DENND1C: variants seen among roughly 807,000 people sequenced by gnomAD.
The protein encoded by DENND1C is DENN domain-containing protein 1C.
A neutral mutation model predicts 87.9 loss-of-function variants in DENND1C; 64 were observed. The observed-to-expected ratio is 0.73, with a 90% CI of 0.60 to 0.90. DENND1C has a LOEUF of 0.90. Ranked by LOEUF, DENND1C falls within the 40% of genes least tolerant of loss-of-function variation. DENND1C has a pLI of 0.00. For missense variants in DENND1C, 980 were observed against 1,037.0 expected (o/e 0.95, Z 0.76); for synonymous variants, 384 against 424.4 (o/e 0.90, Z 1.17).
At chr19:6,468,745 G>A (rs2092810972) in intron 20 of DENND1C, 100 bp from the exon 21 acceptor site, 7 of 1,368,382 alleles carry the variant, frequency 5.1e-6, no homozygotes, top group Middle Eastern at 3.9e-4. Context: ...CACATATTTG[G>A]GGAGTTGAAG....
In DENND1C at chr19:6,477,077, C is replaced by CTCAGGGATGGATGGCAGGCGGCCGG; in HGVS notation, c.539_563dup (p.Glu188AspfsTer9). On this transcript the variant is annotated stop_gained and frameshift_variant, in exon 9 of 23. Coordinates refer to ENST00000381480, the MANE Select transcript of DENND1C (RefSeq NM_024898.4). LOFTEE classifies it high-confidence loss of function. ...CCAGAGACCCCTCCCCACTCACGTT[C>CTCAGGGATGGATGGCAGGCGGCCGG]TCAGGGATGGATGGCAGGCGGCCGG... is the stretch of plus-strand genomic sequence containing the variant. The CTCAGGGATGGATGGCAGGCGGCCGG allele has an allele frequency of 1.2e-6, 2 of 1,607,300 alleles. No individual in the cohort carries two copies. Among genetic ancestry groups the CTCAGGGATGGATGGCAGGCGGCCGG allele is most frequent in the Non-Finnish European group, 1.7e-6 (2 of 1,177,024 alleles).
At position 6,481,661 on chromosome 19, in the gene DENND1C, G is replaced by C. The variant is rs769791371; in HGVS notation, c.17+18C>G. The C allele has an allele frequency of 6.2e-7, 1 of 1,611,630 alleles. No individual in the cohort carries two copies. The highest frequency in any genetic ancestry group is 8.5e-7 in the Non-Finnish European group (1 of 1,178,798). ...CGGGAATCTTGTACCAGAGAATGAG[G>C]GATGGGGTGGCTCTTACTCAGCTCT... On this transcript the variant is annotated intron_variant, in intron 1 of 22. Coordinates refer to ENST00000381480, the MANE Select transcript of DENND1C (RefSeq NM_024898.4).
rs754388464 is a variant in DENND1C, at chr19:6,468,398, C to G, written c.1627G>C (p.Glu543Gln). The change falls in exon 22 of 23, where the codon GAA (glutamate) becomes CAA (glutamine). Residue 543 changes from glutamate to glutamine, a missense_variant. Physicochemically the swap from Glu to Gln is conservative, Grantham distance 29. Coordinates refer to ENST00000381480, the MANE Select transcript of DENND1C (RefSeq NM_024898.4). ...SPEDEGCPWAEEALDSSFLGS... is the reference protein window; with the variant it reads ...SPEDEGCPWAQEALDSSFLGS... ...AAGAAGCTGCTGTCCAGAGCTTCTT[C>G]TGCCCACGGGCACCCCTCATCCTCA... 13 of 1,613,874 alleles carry G rather than the reference C, an allele frequency of 8.1e-6. No individual in the cohort carries two copies. In the South Asian group the frequency reaches 1.3e-4, roughly 16 times the overall value.
intron 4 of DENND1C, 40 bp downstream of exon 4, chr19:6,479,629 C>G (rs767532053): frequency 6.2e-7 from 1 of 1,613,596 alleles, no homozygotes; most frequent in Non-Finnish European, 8.5e-7. Flanking sequence ...CCTGAGAGAT[C>G]TGAGTCCCTG....
chr19:6,475,003 T>A (rs1206527062), intron 14 of DENND1C, among the ~76,000 whole-genome samples: 1 of 151,696 alleles, frequency 6.6e-6, no homozygotes, highest in Non-Finnish European at 1.5e-5. Flanking sequence ...CGGGAGGCAC[T>A]CCAGCCTGGG....
Position 6,477,217 on chromosome 19 carries a change from C to T in DENND1C, c.513+1G>A. 6.3e-7 allele frequency: 1 copy of T among 1,587,360 alleles called. No individual in the cohort carries two copies. The highest frequency in any genetic ancestry group is 1.1e-5 in the South Asian group (1 of 88,404). On this transcript the variant is annotated splice_donor_variant, in intron 8 of 22. Transcript: ENST00000381480. LOFTEE classifies it high-confidence loss of function. ...TTCCAGGGTCCCCGAGCCCCGCTCA[C>T]CGGCTTGCTATTCCCCCGGGTAGGG...
chr19:6,469,046 T>A, intron 19 of DENND1C, 93 bp from the exon 20 acceptor site: 1 of 730,324 alleles, frequency 1.4e-6, no homozygotes, highest in Non-Finnish European at 1.9e-6. Context: ...TTTTTTTTTG[T>A]TTGAAATGAA....
At chr19:6,476,040 C>T (rs1180005699) in intron 10 of DENND1C, 103 bp from the exon 11 acceptor site, 1 of 1,067,596 alleles carries the variant, frequency 9.4e-7, no homozygotes, top group Non-Finnish European at 1.3e-6. Flanking sequence ...TCCCCCTCCC[C>T]ATCCACTGCT....
At chr19:6,479,952 C>G (rs2092888704) in intron 2 of DENND1C, 35 bp downstream of exon 2, 1 of 1,597,718 alleles carries the variant, frequency 6.3e-7, no homozygotes, top group African/African-American at 1.3e-5. Flanking sequence ...CCCACCCTCC[C>G]CTCCCACTCC....
At chr19:6,475,107 G>A (rs2092850746) in intron 14 of DENND1C, among the ~76,000 whole-genome samples, 167 bp downstream of exon 14, 1 of 152,192 alleles carries the variant, frequency 6.6e-6, no homozygotes, top group African/African-American at 2.4e-5. Context: ...GTGTTGCCCA[G>A]GCTGGTCTTG....
rs754541846 is a variant in DENND1C at position 6,477,205 on chromosome 19, G to A, written c.513+13C>T. ...GGACCCCCGACCTTCCAGGGTCCCC[G>A]AGCCCCGCTCACCGGCTTGCTATTC... On this transcript the variant is annotated intron_variant, in intron 8 of 22. Transcript: ENST00000381480. The A allele has an allele frequency of 2.0e-5, 31 of 1,588,906 alleles. No homozygotes were observed. Among genetic ancestry groups the A allele is most frequent in the East Asian group, 2.2e-5 (1 of 44,546 alleles).
In DENND1C at chr19:6,467,647, G is replaced by A; in HGVS notation, c.2263C>T (p.Leu755=). 1.3e-6 allele frequency: 2 copies of A among 1,540,064 alleles called. No individual in the cohort carries two copies. Among genetic ancestry groups the A allele is most frequent in the Non-Finnish European group, 1.7e-6 (2 of 1,146,662 alleles). Residue 755 remains leucine, a synonymous_variant, in exon 23 of 23, where the codon CTG becomes TTG. Transcript: ENST00000381480. ...TGGAGGTGAGCGCGCTCTGCCAGCAGGGCTTTGGGAGGCCGGGCTCTGGGG... is the reference window on the plus strand; with the variant it reads ...TGGAGGTGAGCGCGCTCTGCCAGCAAGGCTTTGGGAGGCCGGGCTCTGGGG... The part of the protein sequence containing the change: ...EDPRARPPKA[L]LAERAHLQPR...
Position 6,476,910 on chromosome 19 carries a change from C to T in DENND1C, c.625G>A (p.Ala209Thr). Residue 209 changes from alanine to threonine, a missense_variant, in exon 10 of 23, where the codon GCG (alanine) becomes ACG (threonine). By Grantham distance (58) the Ala-to-Thr change is moderately conservative. Transcript: ENST00000381480. ...ACTCTTCTCTCGGCCAGGAGCGCCGCGAACAGCCCCACGATGTTCTCGTCA... is the reference window on the plus strand; with the variant it reads ...ACTCTTCTCTCGGCCAGGAGCGCCGTGAACAGCCCCACGATGTTCTCGTCA... ...VTDENIVGLFAALLAERRVLL... is the reference protein window; with the variant it reads ...VTDENIVGLFTALLAERRVLL... The T allele has an allele frequency of 6.2e-7, 1 of 1,613,462 alleles. No individual in the cohort carries two copies. The highest frequency in any genetic ancestry group is 8.5e-7 in the Non-Finnish European group (1 of 1,179,794).
chr19:6,467,786 A>T lies in DENND1C; in HGVS notation c.2124T>A (p.Thr708=). The T allele has an allele frequency of 6.6e-7, 1 of 1,526,098 alleles. No individual in the cohort carries two copies. Among genetic ancestry groups the T allele is most frequent in the Non-Finnish European group, 8.8e-7 (1 of 1,139,926 alleles). The allele number at this position is 1,526,098 out of a possible 1,614,324, so 94.5% of individuals were successfully genotyped here. ...GGGGGCTTTCTGGAGGGCTGGGCTC[A>T]GTGGGTGCAGTGGAGAGCCAGGGAG... ...NPTPWLSTAP[T]EPSPPESPQI... Residue 708 remains threonine, a synonymous_variant, in exon 23 of 23, where the codon ACT becomes ACA. Transcript: ENST00000381480.
chr19:6,468,826 G>T lies in DENND1C; in HGVS notation c.1515+20C>A, dbSNP rs746745810. On this transcript the variant is annotated intron_variant, in intron 20 of 22. Transcript: ENST00000381480. The stretch of plus-strand genomic sequence containing the variant: ...CAGTGATAATTCCAGGTGTGTGCAT[G>T]GGGGGAGGGGCGCTCTCACCTTTCC... 2 of 1,498,952 alleles carry T rather than the reference G, an allele frequency of 1.3e-6. No individual in the cohort carries two copies. Among genetic ancestry groups the T allele is most frequent in the Admixed American group, 2.4e-5 (1 of 42,090 alleles). The allele number at this position is 1,498,952 out of a possible 1,614,324, so 92.9% of individuals were successfully genotyped here.
intron 4 of DENND1C, 90 bp from the exon 5 acceptor site, chr19:6,479,146 T>C: frequency 6.5e-7 from 1 of 1,533,524 alleles, no homozygotes. Flanking sequence ...GGACCCTGAG[T>C]GTATGGGTCT....
chr19:6,470,809 A>G (rs531024202), intron 17 of DENND1C, among the ~76,000 whole-genome samples: 3 of 150,992 alleles, frequency 2.0e-5, no homozygotes, highest in Middle Eastern at 3.4e-3. Context: ...TTTAGTAGAG[A>G]GAGAGTTTCA....
In DENND1C at chr19:6,477,457, AC is replaced by A. The variant is rs774811585; in HGVS notation, c.367del (p.Val123SerfsTer31). 3.6e-5 allele frequency: 57 copies of A among 1,586,028 alleles called. No individual in the cohort carries two copies. The highest frequency in any genetic ancestry group is 4.8e-5 in the Non-Finnish European group (56 of 1,161,958). ...TVGDLLAQDQ[V>X]TEAEELLQNL... ...TTGAAGAAGTTCCTCTGCCTCGGTGACCTGGGTGGGACGTGGAGGGGCGGGG... is the reference window on the plus strand; with the variant it reads ...TTGAAGAAGTTCCTCTGCCTCGGTGACTGGGTGGGACGTGGAGGGGCGGGG... On this transcript the variant is annotated frameshift_variant and splice_region_variant, in exon 7 of 23. Coordinates refer to ENST00000381480, the MANE Select transcript of DENND1C (RefSeq NM_024898.4). LOFTEE classifies it high-confidence loss of function.
chr19:6,475,676 T>C lies in DENND1C; in HGVS notation c.825+30A>G, dbSNP rs745829595. 22 of 1,607,320 alleles carry C rather than the reference T, an allele frequency of 1.4e-5. No individual in the cohort carries two copies. In the East Asian group the frequency reaches 4.7e-4, roughly 34 times the overall value. On this transcript the variant is annotated intron_variant, in intron 12 of 22. Transcript: ENST00000381480. ...TGTAGAGGAAGGGGGAACCCTCACGTCCCCGTCGTCTGGGTAGATCCACGC... is the reference window on the plus strand; with the variant it reads ...TGTAGAGGAAGGGGGAACCCTCACGCCCCCGTCGTCTGGGTAGATCCACGC...
Sources: gnomAD v4.1 joint callset for allele counts (sites outside exome capture counted in the v4.1 genomes callset) on GRCh38, gnomAD v4.1.1 for gene constraint, MANE v1.5 for transcripts, NCBI Gene and HGNC (gene_info 2026-07-23, HGNC 2026-07-21) for gene names.